Variants in NPC1 observed in about 807,000 individuals in gnomAD.
NPC1 encodes the protein Niemann-Pick C1 protein.
In NPC1, 85 loss-of-function variants were observed where a neutral mutation model predicts 140.4. The ratio of observed to expected loss-of-function variants is 0.61; its 90% CI spans 0.51 to 0.72. The LOEUF is 0.72. Among genes scored for constraint, NPC1 ranks in the 30% least tolerant of loss-of-function variants. The pLI is 0.00. For synonymous variants in NPC1, 656 were observed against 624.8 expected, an observed-to-expected ratio of 1.05 and a Z score of -0.74; for missense variants, 1,504 against 1,623.8, an observed-to-expected ratio of 0.93 and a Z score of 1.27.
chr18:23,540,526 A>T lies in NPC1; in HGVS notation c.2526T>A (p.Phe842Leu), dbSNP rs1462754046. The change falls in exon 17 of 25, where the codon TTT (phenylalanine) becomes TTA (leucine). Residue 842 changes from phenylalanine to leucine, a missense_variant. Transcript: ENST00000269228. ...DWMRPIVIAI[F>L]VGVLSFSIAV... ...CGATGCTGAATGACAGAACACCCAC[A>T]AATATTGCTATCTGGAACAACAAAT... 3 of 1,610,544 alleles carry T rather than the reference A, an allele frequency of 1.9e-6. No homozygotes were observed. In the East Asian group the frequency reaches 6.7e-5, roughly 36 times the overall value.
intron 10 of NPC1, among the ~76,000 whole-genome samples, chr18:23,550,272 A>G (rs1297993192): frequency 6.6e-6 from 1 of 151,580 alleles, no homozygotes; most frequent in Non-Finnish European, 1.5e-5. Flanking sequence ...CTGCCTCCCA[A>G]ATTGCTGGGA....
chr18:23,575,316 T>C (rs939893636), intron 1 of NPC1, among the ~76,000 whole-genome samples: 3 of 152,172 alleles, frequency 2.0e-5, no homozygotes, highest in East Asian at 1.9e-4. Flanking sequence ...TCAAAGCAAG[T>C]GCTATTTCCA....
Position 23,561,452 on chromosome 18 carries a change from T to C in NPC1, c.539A>G (p.Asp180Gly). 2 of 1,614,188 alleles carry C rather than the reference T, an allele frequency of 1.2e-6. No homozygotes were observed. The highest frequency in any genetic ancestry group is 1.7e-6 in the Non-Finnish European group (2 of 1,180,016). ...DKALGLLCGKDADACNATNWI... is the reference protein window; with the variant it reads ...DKALGLLCGKGADACNATNWI... ...GTTGGTGGCATTACAGGCGTCAGCG[T>C]CCTTCCCACACAGGAGTCCCAGGGC... is the stretch of plus-strand genomic sequence containing the variant. Residue 180 changes from aspartate to glycine, a missense_variant, in exon 5 of 25, where the codon GAC (aspartate) becomes GGC (glycine). Asp to Gly is a moderately conservative substitution (Grantham distance 94, BLOSUM62 -1). Transcript: ENST00000269228.
chr18:23,530,060 T>C (rs753753862), downstream of NPC1: 1 of 1,614,204 alleles, frequency 6.2e-7, no homozygotes, highest in Admixed American at 1.7e-5. Flanking sequence ...TCAAAACCCT[T>C]GTCCAGCACA....
In NPC1 at chr18:23,551,702, T is replaced by C. The variant is rs1567961471; in HGVS notation, c.1579A>G (p.Ser527Gly). The part of the protein sequence containing the change: ...VRAPASLNDT[S>G]LLHDPCLGTF... ...CCCAGACAAGGGTCATGGAGCAAAC[T>C]TGTATCATTCAGAGAGGCAGGAGCC... is the stretch of plus-strand genomic sequence containing the variant. Residue 527 changes from serine (S) to glycine (G), a missense_variant, in exon 10 of 25, where the codon AGT becomes GGT. Transcript: ENST00000269228. 2.5e-6 allele frequency: 4 copies of C among 1,614,122 alleles called. No homozygotes were observed. The highest frequency in any genetic ancestry group is 2.5e-6 in the Non-Finnish European group (3 of 1,179,994).
At chr18:23,560,731 G>A (rs1259356999) in intron 5 of NPC1, among the ~76,000 whole-genome samples, 2 of 152,140 alleles carry the variant, frequency 1.3e-5, no homozygotes, top group African/African-American at 2.4e-5. Context: ...ACATACCAAG[G>A]CAACCCTTCA....
chr18:23,549,558 G>A (rs1327804284), intron 10 of NPC1, among the ~76,000 whole-genome samples: 2 of 152,120 alleles, frequency 1.3e-5, no homozygotes, highest in East Asian at 1.9e-4. Flanking sequence ...AGAATTGCTC[G>A]AACCTGGGAG....
chr18:23,556,215 T>A, intron 8 of NPC1, 28 bp downstream of exon 8: 1 of 1,606,570 alleles, frequency 6.2e-7, no homozygotes, highest in East Asian at 2.2e-5. Flanking sequence ...TCATCTAGAG[T>A]GACTTATTTC....
rs760529810 is a variant in NPC1, at chr18:23,532,288, TGAGA to T, written c.3755-8_3755-5del. 64 of 1,613,912 alleles carry T rather than the reference TGAGA, an allele frequency of 4.0e-5. No homozygotes were observed. Among genetic ancestry groups the T allele is most frequent in the Non-Finnish European group, 5.2e-5 (61 of 1,179,968 alleles). On this transcript the variant is annotated splice_polypyrimidine_tract_variant and splice_region_variant and intron_variant, in intron 24 of 24. Coordinates refer to ENST00000269228, the MANE Select transcript of NPC1 (RefSeq NM_000271.5). ...TTGGCTTTATTTACTGATGGCCCTA[TGAGA>T]GAGAGAGACTTTTTCTTATTTCTGC...
chr18:23,510,729 C>A (rs1171111351), intron 3 of NPC1, among the ~76,000 whole-genome samples: 2 of 152,068 alleles, frequency 1.3e-5, no homozygotes, highest in African/African-American at 4.8e-5. Context: ...TAAAAGAGCT[C>A]AACATCACTG....
chr18:23,509,636 C>A, intron 3 of NPC1: 1 of 153,790 alleles, frequency 6.5e-6, no homozygotes, highest in Non-Finnish European at 1.4e-5. Context: ...GATCTCGGCT[C>A]ACCGCAACCT....
downstream of NPC1, among the ~76,000 whole-genome samples, chr18:23,525,216 G>T (rs1416414702): frequency 6.6e-6 from 1 of 151,878 alleles, no homozygotes; most frequent in Non-Finnish European, 1.5e-5. Context: ...AAAGTGCTGG[G>T]ATTACAGGCA....
At chr18:23,521,980 A>G (rs1788820), downstream of NPC1, among the ~76,000 whole-genome samples, 105,677 of 152,080 alleles carry the variant, frequency 0.69, 37,054 homozygotes, top group East Asian at 0.91. Context: ...TTGGAACCCT[A>G]GTAGTAATGT....
intron 4 of NPC1, among the ~76,000 whole-genome samples, chr18:23,566,859 A>G (rs2059133316): frequency 1.3e-5 from 2 of 152,296 alleles, no homozygotes; most frequent in South Asian, 4.1e-4. Flanking sequence ...CTCCTAACCC[A>G]TGGCAATCAC....
chr18:23,579,987 G>A (rs1270309261), intron 1 of NPC1, among the ~76,000 whole-genome samples: 1 of 151,918 alleles, frequency 6.6e-6, no homozygotes, highest in Middle Eastern at 3.2e-3. Flanking sequence ...TATCAGAAAA[G>A]CTCTGAACTC....
At chr18:23,519,153 C>A, downstream of NPC1, 1 of 1,613,956 alleles carries the variant, frequency 6.2e-7, no homozygotes, top group South Asian at 1.1e-5. Context: ...ACCTGGTAGT[C>A]GTGCATCATC....
downstream of NPC1, chr18:23,526,743 C>A: frequency 6.2e-7 from 1 of 1,614,092 alleles, no homozygotes; most frequent in South Asian, 1.1e-5. Context: ...GCAAGATGGT[C>A]ATCCTGTCTG....
In NPC1 at chr18:23,532,225, G is replaced by A. The variant is rs200264267; in HGVS notation, c.3814C>T (p.Arg1272Cys). Residue 1272 changes from arginine (R) to cysteine (C), a missense_variant, in exon 25 of 25, where the codon CGC becomes TGC. By Grantham distance (180) the Arg-to-Cys change is radical. Transcript: ENST00000269228. Reference sequence around the variant, plus strand: ...GGCTAGAAATTTAGAAGCCGTTCGCGCTCTGTTCCTTTGTATCGCTCTTCA... The same window carrying A: ...GGCTAGAAATTTAGAAGCCGTTCGCACTCTGTTCCTTTGTATCGCTCTTCA... The part of the protein sequence containing the change: ...ATEERYKGTE[R>C]ERLLNF The A allele has an allele frequency of 9.9e-6, 16 of 1,614,138 alleles. No individual in the cohort carries two copies. In the East Asian group the frequency reaches 1.6e-4, roughly 16 times the overall value.
chr18:23,568,707 G>T, intron 4 of NPC1, 116 bp downstream of exon 4: 1 of 814,178 alleles, frequency 1.2e-6, no homozygotes, highest in Non-Finnish European at 2.1e-6. Context: ...CTTATTTCCT[G>T]GCCAATGGAA....
Sources: gnomAD v4.1 joint callset for allele counts (sites outside exome capture counted in the v4.1 genomes callset) on GRCh38, gnomAD v4.1.1 for gene constraint, MANE v1.5 for transcripts, NCBI Gene and HGNC (gene_info 2026-07-23, HGNC 2026-07-21) for gene names.